PNOC: variants seen among roughly 807,000 people sequenced by gnomAD.
The protein encoded by PNOC is nociceptin.
A neutral mutation model predicts 15.6 loss-of-function variants in PNOC; 10 were observed. The observed-to-expected ratio is 0.64, with a 90% CI of 0.40 to 1.09. The LOEUF is 1.09. PNOC is among the 50% of genes least tolerant of loss of function. PNOC has a pLI of 0.01. For synonymous variants in PNOC, 98 were observed against 88.5 expected, an observed-to-expected ratio of 1.11 and a Z score of -0.60; for missense variants, 220 against 223.9, an observed-to-expected ratio of 0.98 and a Z score of 0.11.
chr8:28,339,426 C>G lies in PNOC; in HGVS notation c.513C>G (p.His171Gln). The change falls in exon 3 of 4, where the codon CAC (histidine) becomes CAG (glutamine). Residue 171 changes from histidine to glutamine, a missense_variant. His to Gln is a conservative substitution (Grantham distance 24). Coordinates refer to ENST00000301908, the MANE Select transcript of PNOC (RefSeq NM_006228.5). ...MQSSQRRRTL[H>Q]QNGNV ...CCAGCCAGCGCCGGCGCACCCTGCACCAGAATGGTAATGTGTAGCCGGAAG... is the reference window on the plus strand; with the variant it reads ...CCAGCCAGCGCCGGCGCACCCTGCAGCAGAATGGTAATGTGTAGCCGGAAG... 2.6e-6 allele frequency: 4 copies of G among 1,541,860 alleles called. No individual in the cohort carries two copies. Among genetic ancestry groups the G allele is most frequent in the Non-Finnish European group, 3.5e-6 (4 of 1,139,308 alleles).
chr8:28,340,637 T>A (rs954734019), intron 3 of PNOC, among the ~76,000 whole-genome samples: 2 of 152,230 alleles, frequency 1.3e-5, no homozygotes, highest in Non-Finnish European at 2.9e-5. Context: ...TGAGGCTGGG[T>A]ACTTCATAAA....
At chr8:28,324,734 A>G (rs1358975553) in intron 1 of PNOC, among the ~76,000 whole-genome samples, 1 of 151,816 alleles carries the variant, frequency 6.6e-6, no homozygotes, top group Non-Finnish European at 1.5e-5. Context: ...GTGGTGGTGC[A>G]CTCCTGGAGT....
In PNOC at chr8:28,339,489, T is replaced by C. The variant is rs773168621; in HGVS notation, c.*45T>C. On this transcript the variant is annotated splice_region_variant and 3_prime_UTR_variant, in exon 3 of 4. Transcript: ENST00000301908. ...CAGCTGTACCGGCCACTGCAACCCA[T>C]GAGTGAGTTGGGCACCAATAAGCTG... is the stretch of plus-strand genomic sequence containing the variant. The C allele has an allele frequency of 4.0e-6, 6 of 1,497,442 alleles. No individual in the cohort carries two copies. The African/African-American group carries it at 7.0e-5, about 17-fold the overall frequency. The allele number at this position is 1,497,442 out of a possible 1,614,324, so 92.8% of individuals were successfully genotyped here. A position where few individuals can be genotyped will look rare whatever the true frequency, so the allele number is the denominator to read the frequency against.
At chr8:28,338,093 C>G (rs351786) in intron 2 of PNOC, among the ~76,000 whole-genome samples, 50,418 of 152,100 alleles carry the variant, frequency 0.33, 10,231 homozygotes, top group Non-Finnish European at 0.46. Flanking sequence ...TGCCTACTGA[C>G]TCACAGCAGT....
At chr8:28,333,627 T>C (rs933359082) in intron 2 of PNOC, among the ~76,000 whole-genome samples, 1 of 152,206 alleles carries the variant, frequency 6.6e-6, no homozygotes, top group African/African-American at 2.4e-5. Context: ...CAAGTCTGGG[T>C]ATGGACTGTG....
chr8:28,335,102 C>G (rs1181873084), intron 2 of PNOC, among the ~76,000 whole-genome samples: 1 of 152,240 alleles, frequency 6.6e-6, no homozygotes, highest in African/African-American at 2.4e-5. Context: ...CTTGGAAACC[C>G]TGCCAGGGAA....
chr8:28,324,397 A>T (rs995112633), intron 1 of PNOC, among the ~76,000 whole-genome samples: 10 of 152,312 alleles, frequency 6.6e-5, no homozygotes, highest in Middle Eastern at 3.4e-3. Flanking sequence ...GCCTATGCAC[A>T]CATTCTGTAT....
chr8:28,324,130 G>A (rs1160638139), intron 1 of PNOC, among the ~76,000 whole-genome samples: 1 of 152,200 alleles, frequency 6.6e-6, no homozygotes, highest in Admixed American at 6.5e-5. Context: ...CACTCAACAA[G>A]GTCTCCCTAA....
At chr8:28,320,716 C>G (rs1326555179) in intron 1 of PNOC, among the ~76,000 whole-genome samples, 4 of 151,594 alleles carry the variant, frequency 2.6e-5, no homozygotes, top group Admixed American at 2.6e-4. Context: ...CTGGGCGTGG[C>G]GGTGGGCGCC....
intron 1 of PNOC, among the ~76,000 whole-genome samples, chr8:28,318,000 G>C (rs1421988116): frequency 6.6e-6 from 1 of 152,124 alleles, no homozygotes; most frequent in Non-Finnish European, 1.5e-5. Flanking sequence ...CCCAGAACCC[G>C]ATTCATTTAG....
chr8:28,327,464 G>A (rs189354594), intron 1 of PNOC, among the ~76,000 whole-genome samples: 1 of 152,300 alleles, frequency 6.6e-6, no homozygotes, highest in East Asian at 1.9e-4. Context: ...ATGCCAAGGT[G>A]AATAACATGG....
intron 2 of PNOC, among the ~76,000 whole-genome samples, chr8:28,335,530 GT>G (rs1467689664): frequency 1.3e-5 from 2 of 152,044 alleles, no homozygotes; most frequent in East Asian, 3.8e-4. Context: ...TTGAAATTCT[GT>G]TTTGTTTTTT....
At chr8:28,322,283 T>C (rs1400982949) in intron 1 of PNOC, among the ~76,000 whole-genome samples, 1 of 152,088 alleles carries the variant, frequency 6.6e-6, no homozygotes, top group East Asian at 1.9e-4. Context: ...TCCCAGCTAC[T>C]CAGGAGGCTG....
intron 2 of PNOC, among the ~76,000 whole-genome samples, chr8:28,329,910 G>A (rs1801293802): frequency 6.6e-6 from 1 of 152,024 alleles, no homozygotes; most frequent in East Asian, 1.9e-4. Context: ...GTGTACAGGA[G>A]GATGTGCATA....
chr8:28,324,420 T>C (rs1801191841), intron 1 of PNOC, among the ~76,000 whole-genome samples: 1 of 152,328 alleles, frequency 6.6e-6, no homozygotes, highest in East Asian at 1.9e-4. Flanking sequence ...CAACCTCATA[T>C]TAGGAAGGAA....
At chr8:28,331,765 G>A (rs1801333122) in intron 2 of PNOC, among the ~76,000 whole-genome samples, 1 of 152,128 alleles carries the variant, frequency 6.6e-6, no homozygotes, top group Non-Finnish European at 1.5e-5. Context: ...AGTGGAGTGG[G>A]CCCTCCTTCC....
chr8:28,341,530 C>T (rs60950192), intron 3 of PNOC, among the ~76,000 whole-genome samples: 18,040 of 152,206 alleles, frequency 0.12, 1,212 homozygotes, highest in East Asian at 0.25. Flanking sequence ...TGAACGATGG[C>T]AATGTTCTTT....
At chr8:28,328,514 G>A (rs924776880) in intron 1 of PNOC, among the ~76,000 whole-genome samples, 23 of 131,042 alleles carry the variant, frequency 1.8e-4, no homozygotes, top group African/African-American at 5.4e-4. Context: ...GAGAGAATTC[G>A]GGGTATGGGG....
intron 2 of PNOC, among the ~76,000 whole-genome samples, chr8:28,335,289 T>C (rs992758248): frequency 6.6e-6 from 1 of 152,234 alleles, no homozygotes; most frequent in Non-Finnish European, 1.5e-5. Context: ...TGTCTTGGAC[T>C]GGGCCACAAG....
Sources: allele counts gnomAD v4.1 joint callset (sites outside exome capture counted in the v4.1 genomes callset), GRCh38; gene constraint gnomAD v4.1.1; transcripts MANE v1.5; gene names NCBI Gene and HGNC (gene_info 2026-07-23, HGNC 2026-07-21).